VSNL1: variants seen among roughly 807,000 people sequenced by gnomAD.
The protein encoded by VSNL1 is visinin-like protein 1.
VSNL1 carries 6 observed loss-of-function variants against 20.4 expected under a neutral mutation model. The ratio of observed to expected loss-of-function variants is 0.29; its 90% CI spans 0.16 to 0.58. The LOEUF is 0.58. Ranked by LOEUF, VSNL1 falls within the 20% of genes least tolerant of loss-of-function variation. The pLI, the probability that VSNL1 is intolerant of heterozygous loss-of-function variation, is 0.90. For missense variants in VSNL1, 100 were observed against 234.5 expected (o/e 0.43, Z 3.75); for synonymous variants, 93 against 86.4 (o/e 1.08, Z -0.42).
At chr2:17,605,674 T>C (rs1664929311) in intron 2 of VSNL1, among the ~76,000 whole-genome samples, 1 of 152,168 alleles carries the variant, frequency 6.6e-6, no homozygotes, top group Non-Finnish European at 1.5e-5. Context: ...CAGGATCACA[T>C]TTGACACCAA....
intron 1 of VSNL1, among the ~76,000 whole-genome samples, chr2:17,570,493 T>C (rs544407412): frequency 9.8e-5 from 15 of 152,352 alleles, no homozygotes; most frequent in African/African-American, 3.6e-4. Context: ...TCAGGATTTT[T>C]CTGAGTGTGA....
intron 1 of VSNL1, among the ~76,000 whole-genome samples, chr2:17,543,256 GGCGTTT>G (rs1663331517): frequency 6.6e-6 from 1 of 152,092 alleles, no homozygotes; most frequent in Non-Finnish European, 1.5e-5. Context: ...TGGAATCCTT[GGCGTTT>G]GCCGGGAGCA....
intron 2 of VSNL1, among the ~76,000 whole-genome samples, chr2:17,626,933 C>G (rs1182779835): frequency 1.3e-5 from 2 of 152,228 alleles, no homozygotes; most frequent in Non-Finnish European, 2.9e-5. Context: ...TGCAGCTTGT[C>G]TGCTGCACAG....
At position 17,656,944 on chromosome 2, in the gene VSNL1, GTTT is replaced by G. The variant is rs923768695; in HGVS notation, c.*1554_*1556del. ...TATTCAAGTACTTTTTATCAAATTC[GTTT>G]TTTACCGAATTCGTTTTTTACCATT... is the stretch of plus-strand genomic sequence containing the variant. On this transcript the variant is annotated 3_prime_UTR_variant, in exon 4 of 4. Transcript: ENST00000295156. The G allele has an allele frequency of 5.9e-5, 9 of 152,172 alleles. No homozygotes were observed. Among genetic ancestry groups the G allele is most frequent in the African/African-American group, 2.2e-4 (9 of 41,514 alleles). The allele number at this position is 152,172 out of a possible 1,614,324, so 9.4% of individuals were successfully genotyped here. A position where few individuals can be genotyped will look rare whatever the true frequency, so the allele number is the denominator to read the frequency against.
chr2:17,585,491 T>C (rs1664449115), intron 1 of VSNL1, among the ~76,000 whole-genome samples: 1 of 151,752 alleles, frequency 6.6e-6, no homozygotes, highest in Non-Finnish European at 1.5e-5. Flanking sequence ...GTTTATAGGA[T>C]CCAAGGGGGT....
chr2:17,598,644 G>A (rs1401822610), intron 2 of VSNL1, among the ~76,000 whole-genome samples: 4 of 152,128 alleles, frequency 2.6e-5, no homozygotes. Flanking sequence ...CACTGAAGTC[G>A]CAAGTAAAAT....
intron 2 of VSNL1, among the ~76,000 whole-genome samples, chr2:17,630,680 T>A (rs1665609373): frequency 2.0e-5 from 3 of 152,200 alleles, no homozygotes; most frequent in Admixed American, 2.0e-4. Context: ...TACTATGCCG[T>A]TAACAGAGGA....
rs114815417 is a variant in VSNL1, at chr2:17,630,209, T to C, written c.163-19201T>C. ...AGTAATTAAGTATGTACCTTGGAGG[T>C]AGGGTTTCACCATGGACCCACCTCA... On this transcript the variant is annotated intron_variant, in intron 2 of 3. Transcript: ENST00000295156. Among the ~76,000 whole-genome samples, 935 of 152,326 alleles carry C rather than the reference T, an allele frequency of 6.1e-3. 8 individuals carry two copies. The highest frequency in any genetic ancestry group is 0.021 in the African/African-American group (881 of 41,578).
intron 2 of VSNL1, among the ~76,000 whole-genome samples, chr2:17,605,498 CCTT>C (rs944198253): frequency 5.3e-5 from 8 of 152,202 alleles, no homozygotes; most frequent in African/African-American, 1.9e-4. Flanking sequence ...GAGGAGGAAA[CCTT>C]CTGCTCCTTG....
chr2:17,637,743 A>C (rs1665788254), intron 2 of VSNL1, among the ~76,000 whole-genome samples: 1 of 152,226 alleles, frequency 6.6e-6, no homozygotes, highest in Non-Finnish European at 1.5e-5. Flanking sequence ...GATCCCCAGG[A>C]GATCTGCTCT....
intron 1 of VSNL1, among the ~76,000 whole-genome samples, chr2:17,556,068 A>G (rs879940593): frequency 6.6e-6 from 1 of 152,206 alleles, no homozygotes; most frequent in Non-Finnish European, 1.5e-5. Context: ...AAAACATGGC[A>G]TCAAACAAAA....
In VSNL1 at chr2:17,649,747, G is replaced by T; in HGVS notation, c.378+122G>T. 2.2e-6 allele frequency: 2 copies of T among 912,888 alleles called. No individual in the cohort carries two copies. The highest frequency in any genetic ancestry group is 3.3e-6 in the Non-Finnish European group (2 of 597,804). The allele number at this position is 912,888 out of a possible 1,614,324, so 56.5% of individuals were successfully genotyped here. On this transcript the variant is annotated intron_variant, in intron 3 of 3. Transcript: ENST00000295156. The surrounding 1 kb of genome is among the most constrained non-coding windows in gnomAD (Gnocchi z 6.4). Reference sequence around the variant, plus strand: ...TCGAGCCCTGCCAGCTGCACACCACGCCTGGACTTCTCCTGCTTCTGTCCC... The same window carrying T: ...TCGAGCCCTGCCAGCTGCACACCACTCCTGGACTTCTCCTGCTTCTGTCCC...
intron 2 of VSNL1, among the ~76,000 whole-genome samples, chr2:17,611,274 C>T (rs1201716370): frequency 6.6e-6 from 1 of 152,194 alleles, no homozygotes; most frequent in Non-Finnish European, 1.5e-5. Flanking sequence ...TCTAAGGACA[C>T]ACAACTAGTG....
chr2:17,580,871 G>A (rs1380755413), intron 1 of VSNL1, among the ~76,000 whole-genome samples: 1 of 152,116 alleles, frequency 6.6e-6, no homozygotes, highest in Admixed American at 6.5e-5. Context: ...ACATTGTTCT[G>A]CTTATAAATG....
chr2:17,628,773 C>T (rs1458579739), intron 2 of VSNL1, among the ~76,000 whole-genome samples: 1 of 152,210 alleles, frequency 6.6e-6, no homozygotes, highest in East Asian at 1.9e-4. Flanking sequence ...CTGGCCTGAG[C>T]TCAGCCACCT....
chr2:17,560,010 C>T (rs1221342567), intron 1 of VSNL1, among the ~76,000 whole-genome samples: 1 of 151,526 alleles, frequency 6.6e-6, no homozygotes, highest in African/African-American at 2.4e-5. Context: ...AAAAAAGTAG[C>T]CTTTTCTTTT....
rs537961758 is a variant in VSNL1, at chr2:17,649,724, G to A, written c.378+99G>A. 34 of 1,137,294 alleles carry A rather than the reference G, an allele frequency of 3.0e-5. No homozygotes were observed. The highest frequency in any genetic ancestry group is 7.7e-5 in the African/African-American group (5 of 65,296). The allele number at this position is 1,137,294 out of a possible 1,614,324, so 70.5% of individuals were successfully genotyped here. ...TTAGTGGCTTCTTCTCTCTCTGCTC[G>A]AGCCCTGCCAGCTGCACACCACGCC... On this transcript the variant is annotated intron_variant, in intron 3 of 3. Transcript: ENST00000295156. This position sits in a 1 kb window ranked among gnomAD's most constrained non-coding sequence, Gnocchi z 6.4.
intron 1 of VSNL1, among the ~76,000 whole-genome samples, chr2:17,580,575 A>G (rs1334328612): frequency 6.6e-6 from 1 of 152,242 alleles, no homozygotes; most frequent in Admixed American, 6.5e-5. Flanking sequence ...GACTTTTGCA[A>G]AAGTCTGTGT....
At chr2:17,565,813 G>A (rs1006339096) in intron 1 of VSNL1, among the ~76,000 whole-genome samples, 21 of 152,266 alleles carry the variant, frequency 1.4e-4, no homozygotes, top group Admixed American at 1.1e-3. Context: ...TAATTCCCAC[G>A]TCATGGGAGG....
Sources: allele counts gnomAD v4.1 joint callset (sites outside exome capture counted in the v4.1 genomes callset), GRCh38; gene constraint gnomAD v4.1.1; non-coding constraint Gnocchi (gnomAD v3.1); transcripts MANE v1.5; gene names NCBI Gene and HGNC (gene_info 2026-07-23, HGNC 2026-07-21).